HSDL2: variants seen among roughly 807,000 people sequenced by gnomAD.
HSDL2 encodes the protein hydroxysteroid dehydrogenase like 2.
HSDL2 carries 27 observed loss-of-function variants against 46.3 expected under a neutral mutation model. The ratio of observed to expected loss-of-function variants is 0.58; its 90% confidence interval spans 0.43 to 0.80. HSDL2 has a LOEUF of 0.80. Among genes scored for constraint, HSDL2 ranks in the 30% least tolerant of loss-of-function variants. HSDL2 has a pLI of 0.00. For missense variants in HSDL2, 451 were observed against 502.7 expected (o/e 0.90, Z 0.98); for synonymous variants, 153 against 163.6 (o/e 0.94, Z 0.50).
At chr9:112,416,774 T>TAAA in intron 4 of HSDL2, 67 bp from the exon 5 acceptor site, 10 of 653,530 alleles carry the variant, frequency 1.5e-5, no homozygotes, top group Admixed American at 7.5e-5. Context: ...CCCCCTCTCT[T>TAAA]AAAAAAAAAA....
intron 1 of HSDL2, among the ~76,000 whole-genome samples, chr9:112,395,459 A>G (rs1046393130): frequency 1.3e-5 from 2 of 152,210 alleles, no homozygotes; most frequent in Non-Finnish European, 2.9e-5. Context: ...GAGTTTTTCC[A>G]TAACACTGGC....
chr9:112,393,302 C>T (rs1296676715), intron 1 of HSDL2, among the ~76,000 whole-genome samples: 3 of 152,218 alleles, frequency 2.0e-5, no homozygotes, highest in Non-Finnish European at 4.4e-5. Context: ...CTTCCCTACC[C>T]AGCAGGTGTC....
intron 6 of HSDL2, 39 bp downstream of exon 6, chr9:112,418,997 G>A (rs776582156): frequency 1.9e-6 from 2 of 1,068,592 alleles, no homozygotes; most frequent in Non-Finnish European, 2.9e-6. Flanking sequence ...AGATTTTCAT[G>A]TATTGTCCTT....
At chr9:112,459,298 TAATA>T (rs1833131781) in intron 9 of HSDL2, 147 bp from the exon 10 acceptor site, 1 of 741,382 alleles carries the variant, frequency 1.3e-6, no homozygotes, top group East Asian at 2.9e-5. Context: ...TGGACGTGCT[TAATA>T]AATATTTGCT....
chr9:112,424,361 G>A (rs1165911309), intron 6 of HSDL2, among the ~76,000 whole-genome samples: 1 of 151,876 alleles, frequency 6.6e-6, no homozygotes, highest in Admixed American at 6.6e-5. Context: ...TGGTGCTAGG[G>A]TGTATAGAAA....
At chr9:112,435,000 C>G (rs1832491705) in intron 6 of HSDL2, among the ~76,000 whole-genome samples, 1 of 152,128 alleles carries the variant, frequency 6.6e-6, no homozygotes, top group South Asian at 2.1e-4. Flanking sequence ...TCCCAGAAAT[C>G]ATCAGTGAAT....
chr9:112,457,309 C>T (rs989436145), intron 9 of HSDL2, among the ~76,000 whole-genome samples: 1 of 152,202 alleles, frequency 6.6e-6, no homozygotes, highest in Admixed American at 6.5e-5. Flanking sequence ...CTGAAGCAGT[C>T]TCTGCCCCTT....
intron 10 of HSDL2, among the ~76,000 whole-genome samples, chr9:112,464,268 G>C (rs1833311742): frequency 1.3e-5 from 2 of 150,830 alleles, no homozygotes; most frequent in South Asian, 4.2e-4. Context: ...AAGTAAAATT[G>C]AGTTGTCTTT....
intron 1 of HSDL2, among the ~76,000 whole-genome samples, chr9:112,398,430 T>C (rs1285998359): frequency 6.6e-6 from 1 of 151,658 alleles, no homozygotes; most frequent in Non-Finnish European, 1.5e-5. Flanking sequence ...CCAAGTCGGG[T>C]CCGTGGGAGC....
At position 112,446,686 on chromosome 9, in the gene HSDL2, T is replaced by G. The variant is rs748884730; in HGVS notation, c.865+4916T>G. ...AAAACTACTCTCTCCTGGAATGCCCTGCTGCCACGGTTCTTCCCCTCCCCA... is the reference window on the plus strand; with the variant it reads ...AAAACTACTCTCTCCTGGAATGCCCGGCTGCCACGGTTCTTCCCCTCCCCA... On this transcript the variant is annotated intron_variant, in intron 8 of 10. Coordinates refer to ENST00000398805, the MANE Select transcript of HSDL2 (RefSeq NM_032303.5). 6.4e-4 allele frequency among the ~76,000 whole-genome samples: 97 copies of G among 152,208 alleles called. 1 individual carries two copies. Among genetic ancestry groups the G allele is most frequent in the Non-Finnish European group, 1.2e-3 (85 of 68,036 alleles).
At chr9:112,455,482 G>T (rs1029819535) in intron 9 of HSDL2, among the ~76,000 whole-genome samples, 1 of 152,046 alleles carries the variant, frequency 6.6e-6, no homozygotes, top group African/African-American at 2.4e-5. Flanking sequence ...CCTGTCAAAA[G>T]CCTAGTCCTG....
intron 5 of HSDL2, among the ~76,000 whole-genome samples, chr9:112,417,781 TA>T (rs34381614): frequency 7.4e-4 from 106 of 143,468 alleles, no homozygotes; most frequent in Middle Eastern, 3.5e-3. Context: ...CTTTCATTCT[TA>T]AAAAAAAAAA....
intron 10 of HSDL2, among the ~76,000 whole-genome samples, chr9:112,466,713 G>A (rs7035293): frequency 6.6e-6 from 1 of 152,164 alleles, no homozygotes; most frequent in Admixed American, 6.5e-5. Context: ...TATTTTTTTT[G>A]ATTTTTACTT....
chr9:112,381,784 C>T (rs1376111968), intron 1 of HSDL2, among the ~76,000 whole-genome samples: 1 of 152,220 alleles, frequency 6.6e-6, no homozygotes, highest in Non-Finnish European at 1.5e-5. Flanking sequence ...TATGAATATA[C>T]CTTTGTTTAT....
chr9:112,396,336 G>T (rs900265894), intron 1 of HSDL2, among the ~76,000 whole-genome samples: 2 of 152,148 alleles, frequency 1.3e-5, no homozygotes, highest in African/African-American at 2.4e-5. Flanking sequence ...CCATAGATTA[G>T]AGGAAATAAT....
At chr9:112,464,542 G>A (rs1270982812) in intron 10 of HSDL2, among the ~76,000 whole-genome samples, 1 of 151,940 alleles carries the variant, frequency 6.6e-6, no homozygotes, top group Non-Finnish European at 1.5e-5. Context: ...GCCTGTTTCT[G>A]GTATATATAG....
intron 6 of HSDL2, among the ~76,000 whole-genome samples, chr9:112,429,435 T>C (rs1832333942): frequency 1.3e-5 from 2 of 152,224 alleles, no homozygotes; most frequent in South Asian, 4.1e-4. Context: ...TCCTCCCCTC[T>C]GCCCTTTCCT....
chr9:112,471,042 G>A lies in HSDL2; in HGVS notation c.*498G>A, dbSNP rs778696129. 3 of 152,228 alleles carry A rather than the reference G, an allele frequency of 2.0e-5. No homozygotes were observed. The highest frequency in any genetic ancestry group is 2.0e-4 in the Admixed American group (3 of 15,282). The allele number at this position is 152,228 out of a possible 1,614,324, so 9.4% of individuals were successfully genotyped here. A position where few individuals can be genotyped will look rare whatever the true frequency, so the allele number is the denominator to read the frequency against. ...TTATAAAAAATGAATTAGTACTGGC[G>A]AGGACTAAATGAAACAATAATTTTT... On this transcript the variant is annotated 3_prime_UTR_variant, in exon 11 of 11. Coordinates refer to ENST00000398805, the MANE Select transcript of HSDL2 (RefSeq NM_032303.5).
intron 8 of HSDL2, among the ~76,000 whole-genome samples, chr9:112,445,403 T>G (rs146332623): frequency 1.1e-3 from 167 of 152,366 alleles, no homozygotes; most frequent in South Asian, 1.7e-3. Context: ...CTGTTCCATA[T>G]TGTCTCAAAT....
Sources: allele counts gnomAD v4.1 joint callset (sites outside exome capture counted in the v4.1 genomes callset), GRCh38; gene constraint gnomAD v4.1.1; transcripts MANE v1.5; gene names NCBI Gene and HGNC (gene_info 2026-07-23, HGNC 2026-07-21).